Variants in RFC5 observed in about 807,000 individuals in gnomAD.
RFC5 encodes replication factor C subunit 5, also known as A1 36 kDa subunit.
A neutral mutation model predicts 44.3 loss-of-function variants in RFC5; 26 were observed. The observed-to-expected ratio is 0.59, with a 90% CI of 0.43 to 0.81. The LOEUF (loss-of-function observed/expected upper bound fraction) is 0.81. Ranked by LOEUF, RFC5 falls within the 40% of genes least tolerant of loss-of-function variation. The pLI is 0.00. For missense variants in RFC5, 328 were observed against 418.6 expected (o/e 0.78, Z 1.89); for synonymous variants, 155 against 155.2 (o/e 1.00, Z 0.01).
At chr12:118,016,984 A>G (rs2030128020) in intron 1 of RFC5, 92 bp downstream of exon 1, 1 of 998,084 alleles carries the variant, frequency 1.0e-6, no homozygotes, top group East Asian at 2.6e-5. Flanking sequence ...CCGGACCCCA[A>G]CCCGACCTCT....
At chr12:118,037,022 AAATACAAAAATTAGCCAGGC>A (rs1219243079), downstream of RFC5, among the ~76,000 whole-genome samples, 1 of 152,238 alleles carries the variant, frequency 6.6e-6, no homozygotes, top group African/African-American at 2.4e-5. Flanking sequence ...TCTCTACTGA[AAATACAAAAATTAGCCAGGC>A]ATGGTGGTGC....
downstream of RFC5, among the ~76,000 whole-genome samples, chr12:118,036,709 A>G (rs1181656240): frequency 6.6e-6 from 1 of 152,190 alleles, no homozygotes; most frequent in Non-Finnish European, 1.5e-5. Flanking sequence ...GATTTAAAAC[A>G]ATGGGCATGC....
downstream of RFC5, chr12:118,034,621 A>G (rs2031462724): frequency 2.1e-6 from 1 of 477,104 alleles, no homozygotes; most frequent in African/African-American, 1.9e-5. Flanking sequence ...ATCTGACCAC[A>G]GTTAGTTCAA....
At chr12:118,036,286 G>A, downstream of RFC5, 5 of 1,578,568 alleles carry the variant, frequency 3.2e-6, no homozygotes, top group East Asian at 2.3e-5. Context: ...TCCCAGGCAG[G>A]TTCCTCATCA....
At chr12:118,025,701 G>A (rs1490218738) in intron 6 of RFC5, 46 bp from the exon 7 acceptor site, 3 of 1,074,188 alleles carry the variant, frequency 2.8e-6, no homozygotes, top group Admixed American at 1.7e-5. Flanking sequence ...GTGAATGCTG[G>A]TGCTCTCAGG....
rs746417604 is a variant in RFC5 at position 118,020,927 on chromosome 12, G to A, written c.289G>A (p.Gly97Arg). ...TTAGCTGAATGCTTCAGATGACCGA[G>A]GAATAGACATCATTCGAGGACCGAT... ...VLELNASDDR[G>R]IDIIRGPILS... The change falls in exon 4 of 11, where the codon GGA becomes AGA. Residue 97 changes from glycine to arginine, a missense_variant. Coordinates refer to ENST00000454402, the MANE Select transcript of RFC5 (RefSeq NM_007370.7). The A allele has an allele frequency of 6.2e-7, 1 of 1,611,430 alleles. No homozygotes were observed. Among genetic ancestry groups the A allele is most frequent in the East Asian group, 2.2e-5 (1 of 44,844 alleles).
At chr12:118,036,385 A>G (rs1246841276), downstream of RFC5, 2 of 1,614,026 alleles carry the variant, frequency 1.2e-6, no homozygotes, top group Non-Finnish European at 1.7e-6. Flanking sequence ...ACATAATCAC[A>G]TTGGTATCGT....
chr12:118,029,753 AT>A lies in RFC5; in HGVS notation c.872-14del, dbSNP rs767695199. ...AGTAGAGAGTGACCTAACTCATTTG[AT>A]TTTGTTTTTCCCTCAGTTGACTTTC... On this transcript the variant is annotated splice_polypyrimidine_tract_variant and intron_variant, in intron 9 of 10. Coordinates refer to ENST00000454402, the MANE Select transcript of RFC5 (RefSeq NM_007370.7). 2 of 1,581,266 alleles carry A rather than the reference AT, an allele frequency of 1.3e-6. No homozygotes were observed. The highest frequency in any genetic ancestry group is 1.4e-5 in the African/African-American group (1 of 74,030).
chr12:118,020,847 G>A (rs1358417843), intron 3 of RFC5, 59 bp from the exon 4 acceptor site: 4 of 1,086,270 alleles, frequency 3.7e-6, no homozygotes, highest in Non-Finnish European at 4.3e-6. Context: ...CTAACACCAA[G>A]AACTCACAGA....
chr12:118,019,684 C>G lies in RFC5; in HGVS notation c.183C>G (p.Pro61=), dbSNP rs1566120901. 2 of 1,613,846 alleles carry G rather than the reference C, an allele frequency of 1.2e-6. No individual in the cohort carries two copies. The highest frequency in any genetic ancestry group is 2.2e-5 in the East Asian group (1 of 44,888). The change falls in exon 3 of 11, where the codon CCC becomes CCG. Residue 61 remains proline, a synonymous_variant. Coordinates refer to ENST00000454402, the MANE Select transcript of RFC5 (RefSeq NM_007370.7). This position sits in a 1 kb window ranked among gnomAD's most constrained non-coding sequence, Gnocchi z 4.2. ...TGCCACACTTGCTTCTCTACGGTCC[C>G]CCAGGGACAGGCAAGACATCTACCA... ...DRLPHLLLYG[P]PGTGKTSTIL... is the part of the protein sequence containing the mutation.
intron 1 of RFC5, among the ~76,000 whole-genome samples, chr12:118,017,285 C>T (rs1253616928): frequency 2.0e-5 from 3 of 152,192 alleles, no homozygotes; most frequent in Non-Finnish European, 2.9e-5. Flanking sequence ...AATAACGCTC[C>T]CTGGTCAACT....
At position 118,020,930 on chromosome 12, in the gene RFC5, A is replaced by G; in HGVS notation, c.292A>G (p.Ile98Val). 6.2e-7 allele frequency: 1 copy of G among 1,611,902 alleles called. No homozygotes were observed. The highest frequency in any genetic ancestry group is 1.3e-5 in the African/African-American group (1 of 75,010). The change falls in exon 4 of 11, where the codon ATA becomes GTA. Residue 98 changes from isoleucine to valine, a missense_variant. Coordinates refer to ENST00000454402, the MANE Select transcript of RFC5 (RefSeq NM_007370.7). Reference sequence around the variant, plus strand: ...GCTGAATGCTTCAGATGACCGAGGAATAGACATCATTCGAGGACCGATCCT... The same window carrying G: ...GCTGAATGCTTCAGATGACCGAGGAGTAGACATCATTCGAGGACCGATCCT... ...LELNASDDRG[I>V]DIIRGPILSF...
downstream of RFC5, chr12:118,036,480 A>T: frequency 6.2e-7 from 1 of 1,614,024 alleles, no homozygotes; most frequent in Non-Finnish European, 8.5e-7. Context: ...TTCCGAATTA[A>T]CGTGTAGGAC....
Position 118,016,705 on chromosome 12 carries a change from G to C in RFC5, c.-123G>C, listed in dbSNP as rs767345919. ...GGAAACTGGTGGCCGCGTCTCGCGA[G>C]AGTTGCTTTTGCGCGCGAACTGTAA... On this transcript the variant is annotated 5_prime_UTR_variant, in exon 1 of 11. Coordinates refer to ENST00000454402, the MANE Select transcript of RFC5 (RefSeq NM_007370.7). The C allele has an allele frequency of 8.9e-6, 7 of 790,402 alleles. No homozygotes were observed. The highest frequency in any genetic ancestry group is 1.5e-5 in the Non-Finnish European group (7 of 465,992). The allele number at this position is 790,402 out of a possible 1,614,324, so 49.0% of individuals were successfully genotyped here.
At chr12:118,021,850 A>T (rs2030518175) in intron 4 of RFC5, among the ~76,000 whole-genome samples, 1 of 152,048 alleles carries the variant, frequency 6.6e-6, no homozygotes, top group African/African-American at 2.4e-5. Context: ...CCAGCCACTC[A>T]GGAGGCTGAG....
At chr12:118,029,596 A>C (rs1178585853) in intron 9 of RFC5, among the ~76,000 whole-genome samples, 175 bp from the exon 10 acceptor site, 1 of 152,106 alleles carries the variant, frequency 6.6e-6, no homozygotes. Flanking sequence ...CGAGTGGGTA[A>C]AAAGTATGAA....
In RFC5 at chr12:118,031,389, ATCTTGG is replaced by A; in HGVS notation, c.*112_*117del. The A allele has an allele frequency of 1.5e-6, 1 of 660,856 alleles. No homozygotes were observed. Among genetic ancestry groups the A allele is most frequent in the South Asian group, 2.2e-5 (1 of 44,762 alleles). The allele number at this position is 660,856 out of a possible 1,614,324, so 40.9% of individuals were successfully genotyped here. On this transcript the variant is annotated 3_prime_UTR_variant, in exon 11 of 11. Coordinates refer to ENST00000454402, the MANE Select transcript of RFC5 (RefSeq NM_007370.7). ...CTGTGGGATGAATCAGTCACCCCGA[ATCTTGG>A]AAAAACCCCCTTCCAGGAGAGGATG...
downstream of RFC5, chr12:118,036,582 G>T: frequency 2.0e-6 from 3 of 1,476,298 alleles, no homozygotes; most frequent in Non-Finnish European, 2.7e-6. Context: ...GGAGGGAAAG[G>T]TACCACCACC....
intron 5 of RFC5, among the ~76,000 whole-genome samples, chr12:118,024,200 G>A (rs1190350856): frequency 6.6e-6 from 1 of 151,946 alleles, no homozygotes; most frequent in Non-Finnish European, 1.5e-5. Flanking sequence ...AATTAGCCGG[G>A]CGTGGTGGCA....
Sources: allele counts gnomAD v4.1 joint callset (sites outside exome capture counted in the v4.1 genomes callset), GRCh38; gene constraint gnomAD v4.1.1; non-coding constraint Gnocchi (gnomAD v3.1); transcripts MANE v1.5; gene names NCBI Gene and HGNC (gene_info 2026-07-23, HGNC 2026-07-21).